Variants in ATP6V0D1 observed in about 807,000 individuals in gnomAD.
ATP6V0D1 encodes the protein ATPase H+ transporting V0 subunit d1.
Under a neutral mutation model 39.0 loss-of-function variants are expected in ATP6V0D1, and 13 were observed. The observed-to-expected ratio is 0.33, with a 90% CI of 0.22 to 0.53. The LOEUF (loss-of-function observed/expected upper bound fraction) is 0.53, where lower values mean the gene tolerates loss of function less well. ATP6V0D1 is among the 20% of genes least tolerant of loss of function. The pLI, the probability that ATP6V0D1 is intolerant of heterozygous loss-of-function variation, is 0.94. For synonymous variants in ATP6V0D1, 191 were observed against 191.2 expected (o/e 1.00, Z 0.01); for missense variants, 272 against 470.9 (o/e 0.58, Z 3.91).
chr16:67,463,561 G>A (rs1218351593), intron 1 of ATP6V0D1, among the ~76,000 whole-genome samples: 1 of 149,210 alleles, frequency 6.7e-6, no homozygotes, highest in Non-Finnish European at 1.5e-5. Flanking sequence ...GAGGGAGGGA[G>A]GGAGGAAGAA....
At position 67,447,543 on chromosome 16, in the gene ATP6V0D1, T is replaced by G. The variant is rs555435663; in HGVS notation, c.303-2837A>C. 6.6e-6 allele frequency among the ~76,000 whole-genome samples: 1 copy of G among 151,972 alleles called. No individual in the cohort carries two copies. Among genetic ancestry groups the G allele is most frequent in the Non-Finnish European group, 1.5e-5 (1 of 67,950 alleles). On this transcript the variant is annotated intron_variant, in intron 2 of 7. Transcript: ENST00000290949. The surrounding 1 kb of genome is among the most constrained non-coding windows in gnomAD (Gnocchi z 4.1). The stretch of plus-strand genomic sequence containing the variant: ...GGAATAAGGTTCCAGCTGGTCAGCA[T>G]CTCCCTCCAGGGGAAGACAGCTGGG...
At chr16:67,442,873 C>G (rs1304518159) in intron 4 of ATP6V0D1, among the ~76,000 whole-genome samples, 1 of 152,164 alleles carries the variant, frequency 6.6e-6, no homozygotes, top group African/African-American at 2.4e-5. Flanking sequence ...ACCAGCCACT[C>G]CTGCTGATTT....
At chr16:67,452,478 C>A in intron 2 of ATP6V0D1, 1 of 1,376,222 alleles carries the variant, frequency 7.3e-7, no homozygotes, top group Non-Finnish European at 1.0e-6. Context: ...TCTGTCCCTG[C>A]AGGGACAAGT....
rs2041209594 is a variant in ATP6V0D1 at position 67,453,842 on chromosome 16, T to G, written c.131-127A>C. The G allele has an allele frequency of 3.5e-6, 3 of 866,242 alleles. No individual in the cohort carries two copies. The highest frequency in any genetic ancestry group is 3.5e-6 in the Non-Finnish European group (2 of 564,922). The allele number at this position is 866,242 out of a possible 1,614,324, so 53.7% of individuals were successfully genotyped here. ...GTTGTGTCCCGCTACTACCCTGATC[T>G]CCATCTCCCTGTTGGCTCAGGGCCT... On this transcript the variant is annotated intron_variant, in intron 1 of 7. Transcript: ENST00000290949. This position sits in a 1 kb window ranked among gnomAD's most constrained non-coding sequence, Gnocchi z 4.1.
chr16:67,457,684 AG>A, intron 1 of ATP6V0D1: 1 of 1,278,748 alleles, frequency 7.8e-7, no homozygotes, highest in South Asian at 1.2e-5. Context: ...CACGTGAATG[AG>A]GGGGCAAAGC....
chr16:67,470,733 A>G (rs755279263), intron 1 of ATP6V0D1, among the ~76,000 whole-genome samples: 3 of 135,618 alleles, frequency 2.2e-5, no homozygotes, highest in Non-Finnish European at 4.8e-5. Flanking sequence ...TTCCCCTCCC[A>G]CCCCCCAATC....
At chr16:67,446,347 C>T (rs1015026210) in intron 2 of ATP6V0D1, among the ~76,000 whole-genome samples, 3 of 152,320 alleles carry the variant, frequency 2.0e-5, no homozygotes, top group Admixed American at 2.0e-4. Context: ...GACCTTTGCT[C>T]TCCTGGGCCT....
intron 1 of ATP6V0D1, among the ~76,000 whole-genome samples, chr16:67,475,862 A>G (rs2142335659): frequency 6.6e-6 from 1 of 152,242 alleles, no homozygotes; most frequent in East Asian, 1.9e-4. Context: ...TTGTAATACA[A>G]AGAACCAAGT....
At chr16:67,473,168 C>T (rs2041388202) in intron 1 of ATP6V0D1, among the ~76,000 whole-genome samples, 1 of 152,148 alleles carries the variant, frequency 6.6e-6, no homozygotes, top group Non-Finnish European at 1.5e-5. Flanking sequence ...ACTACTAATG[C>T]CATTCCTTCT....
At chr16:67,449,420 A>T (rs951306698) in intron 2 of ATP6V0D1, among the ~76,000 whole-genome samples, 7 of 152,082 alleles carry the variant, frequency 4.6e-5, no homozygotes, top group Non-Finnish European at 8.8e-5. Flanking sequence ...AGGCCAAAAA[A>T]CCCTGACAGA....
intron 1 of ATP6V0D1, among the ~76,000 whole-genome samples, chr16:67,467,324 G>A (rs1284673530): frequency 6.6e-6 from 1 of 152,130 alleles, no homozygotes; most frequent in East Asian, 1.9e-4. Context: ...GGCCAACATC[G>A]TGAAACCCCG....
intron 2 of ATP6V0D1, among the ~76,000 whole-genome samples, chr16:67,445,054 C>T (rs1177444124): frequency 6.6e-6 from 1 of 152,162 alleles, no homozygotes; most frequent in African/African-American, 2.4e-5. Context: ...ACATGCAGCC[C>T]AGCCCAGGGG....
intron 2 of ATP6V0D1, among the ~76,000 whole-genome samples, chr16:67,450,413 C>A (rs2041165411): frequency 6.6e-6 from 1 of 152,236 alleles, no homozygotes; most frequent in African/African-American, 2.4e-5. Context: ...GAAGGCTTCA[C>A]CCCTTCCTGC....
rs1359537328 is a variant in ATP6V0D1, at chr16:67,444,225, T to G, written c.481+303A>C. ...TCCAAGGGACTTGGGCCTCTCTCAC[T>G]CTTCTCCATGAGCTCAGCCCTCCTC... On this transcript the variant is annotated intron_variant, in intron 3 of 7. Transcript: ENST00000290949. The surrounding 1 kb of genome is among the most constrained non-coding windows in gnomAD (Gnocchi z 4.8). Among the ~76,000 whole-genome samples the G allele has an allele frequency of 2.0e-5, 3 of 152,162 alleles. No homozygotes were observed. The highest frequency in any genetic ancestry group is 7.2e-5 in the African/African-American group (3 of 41,432).
chr16:67,442,566 C>T (rs1258647911), intron 4 of ATP6V0D1, among the ~76,000 whole-genome samples: 1 of 151,948 alleles, frequency 6.6e-6, no homozygotes, highest in Admixed American at 6.6e-5. Context: ...GTTGCCCAGT[C>T]TATGCTACAG....
intron 1 of ATP6V0D1, 24 bp downstream of exon 1, chr16:67,480,933 C>T: frequency 6.2e-7 from 1 of 1,613,220 alleles, no homozygotes; most frequent in Non-Finnish European, 8.5e-7. Context: ...GCCTCTATCC[C>T]CGCCTTTCGC....
At chr16:67,450,270 A>C (rs1274832506) in intron 2 of ATP6V0D1, among the ~76,000 whole-genome samples, 1 of 152,142 alleles carries the variant, frequency 6.6e-6, no homozygotes, top group African/African-American at 2.4e-5. Flanking sequence ...TACTCAGGAC[A>C]TGTATAGTTC....
At chr16:67,472,873 A>AT (rs1453368244) in intron 1 of ATP6V0D1, among the ~76,000 whole-genome samples, 14 of 152,090 alleles carry the variant, frequency 9.2e-5, no homozygotes, top group Admixed American at 2.6e-4. Context: ...GTCTCAAAAA[A>AT]ATATATATAT....
chr16:67,474,025 C>T (rs2041396094), intron 1 of ATP6V0D1, among the ~76,000 whole-genome samples: 1 of 152,208 alleles, frequency 6.6e-6, no homozygotes, highest in African/African-American at 2.4e-5. Context: ...CACATAACAT[C>T]CCCTCCCTAA....
Sources: allele counts gnomAD v4.1 joint callset (sites outside exome capture counted in the v4.1 genomes callset), GRCh38; gene constraint gnomAD v4.1.1; non-coding constraint Gnocchi (gnomAD v3.1); transcripts MANE v1.5; gene names NCBI Gene and HGNC (gene_info 2026-07-23, HGNC 2026-07-21).